Variants in ASIC2 observed in about 807,000 individuals in gnomAD.
ASIC2 encodes acid-sensing ion channel 2.
In ASIC2, 25 loss-of-function variants were observed where a neutral mutation model predicts 57.3. The ratio of observed to expected loss-of-function variants is 0.44; its 90% CI spans 0.32 to 0.61. ASIC2 has a LOEUF of 0.61. Ranked by LOEUF, ASIC2 falls within the 20% of genes least tolerant of loss-of-function variation. The pLI, the probability that ASIC2 is intolerant of heterozygous loss-of-function variation, is 0.06. For missense variants in ASIC2, 641 were observed against 738.1 expected (o/e 0.87, Z 1.52); for synonymous variants, 319 against 307.5 (o/e 1.04, Z -0.39).
chr17:33,017,779 C>T, intron 7 of ASIC2, 95 bp from the exon 8 acceptor site: 1 of 1,182,732 alleles, frequency 8.5e-7, no homozygotes, highest in Non-Finnish European at 1.2e-6. Context: ...CTGAATGGCG[C>T]CCCCTCCATG....
At chr17:33,095,724 G>C (rs2092176156) in intron 2 of ASIC2, among the ~76,000 whole-genome samples, 1 of 152,220 alleles carries the variant, frequency 6.6e-6, no homozygotes, top group Non-Finnish European at 1.5e-5. Flanking sequence ...ATGGGGGCTG[G>C]GCAGGGGCAG....
chr17:34,018,988 A>C (rs955235885), intron 1 of ASIC2, among the ~76,000 whole-genome samples: 5 of 152,006 alleles, frequency 3.3e-5, no homozygotes, highest in African/African-American at 1.2e-4. Context: ...GCTCACTGCA[A>C]GCTCCACCTC....
At chr17:33,481,014 T>A (rs1026197655) in intron 1 of ASIC2, among the ~76,000 whole-genome samples, 4 of 152,168 alleles carry the variant, frequency 2.6e-5, no homozygotes, top group Non-Finnish European at 5.9e-5. Flanking sequence ...ATTCCTCCCC[T>A]CTCTGTCTTG....
intron 1 of ASIC2, among the ~76,000 whole-genome samples, chr17:33,676,791 C>T (rs886986462): frequency 2.0e-5 from 3 of 152,216 alleles, no homozygotes; most frequent in Non-Finnish European, 4.4e-5. Context: ...GGTGATATAG[C>T]TTGAATACAT....
intron 1 of ASIC2, among the ~76,000 whole-genome samples, chr17:34,010,218 G>A (rs1161678432): frequency 1.3e-5 from 2 of 152,172 alleles, no homozygotes; most frequent in East Asian, 3.9e-4. Context: ...CCAGGGCTCA[G>A]GGAAAATGTT....
At chr17:33,733,719 T>C (rs1171790358) in intron 1 of ASIC2, among the ~76,000 whole-genome samples, 1 of 152,206 alleles carries the variant, frequency 6.6e-6, no homozygotes, top group African/African-American at 2.4e-5. Flanking sequence ...CCCAGCCTCA[T>C]GTCATCATGG....
chr17:33,810,874 TACACAC>T (rs34187408), intron 1 of ASIC2, among the ~76,000 whole-genome samples: 28 of 150,012 alleles, frequency 1.9e-4, no homozygotes, highest in African/African-American at 6.6e-4. Context: ...CACACACACA[TACACAC>T]ACACACACAC....
intron 1 of ASIC2, among the ~76,000 whole-genome samples, chr17:34,047,575 C>T (rs1021820419): frequency 6.6e-6 from 1 of 151,214 alleles, no homozygotes; most frequent in East Asian, 1.9e-4. Flanking sequence ...AAATTTCCCA[C>T]CCCTGATTAT....
At chr17:33,019,982 T>C (rs747678280) in intron 7 of ASIC2, among the ~76,000 whole-genome samples, 20 of 152,152 alleles carry the variant, frequency 1.3e-4, no homozygotes, top group Admixed American at 5.2e-4. Flanking sequence ...AAGGCCAGCA[T>C]AGGGGTGAGT....
At chr17:33,318,148 G>T (rs1246707561) in intron 1 of ASIC2, among the ~76,000 whole-genome samples, 1 of 152,162 alleles carries the variant, frequency 6.6e-6, no homozygotes, top group Admixed American at 6.5e-5. Context: ...TTGGAATTTA[G>T]CTTCCCCTTA....
At chr17:33,549,857 A>G (rs76754655) in intron 1 of ASIC2, among the ~76,000 whole-genome samples, 1 of 152,208 alleles carries the variant, frequency 6.6e-6, no homozygotes, top group East Asian at 1.9e-4. Context: ...CACCTCAGTG[A>G]CTTGGGTGAC....
At position 33,023,970 on chromosome 17, in the gene ASIC2, G is replaced by C; in HGVS notation, c.1240C>G (p.Pro414Ala). 6.2e-7 allele frequency: 1 copy of C among 1,614,218 alleles called. No individual in the cohort carries two copies. Among genetic ancestry groups the C allele is most frequent in the South Asian group, 1.1e-5 (1 of 91,090 alleles). Reference protein sequence around the residue: ...KDSNYCLCRTPCNLTRYNKEL... With the variant: ...KDSNYCLCRTACNLTRYNKEL... ...TTGTTGTAGCGGGTTAGGTTGCAGG[G>C]TGTCCTGCAGAGACAGTAATTGCTG... Residue 414 changes from proline to alanine, a missense_variant, in exon 6 of 10, where the codon CCC (proline) becomes GCC (alanine). By Grantham distance (27) the Pro-to-Ala change is conservative. This residue lies in a region of ASIC2 where 252 missense variants were observed against 319.8 expected (regional missense o/e 0.79). Coordinates refer to ENST00000225823, the MANE Select transcript of ASIC2 (RefSeq NM_183377.2).
rs138299425 is a variant in ASIC2, at chr17:33,147,678, T to A, written c.709-35611A>T. Among the ~76,000 whole-genome samples the A allele has an allele frequency of 4.5e-3, 689 of 152,288 alleles. 3 individuals are homozygous for A. The highest frequency in any genetic ancestry group is 0.026 in the South Asian group (126 of 4,820). On this transcript the variant is annotated intron_variant, in intron 1 of 9. Transcript: ENST00000225823. ...GAGGATCTGCTAATAATTTTTCTAA[T>A]GAGCAAAAATGACCCCACACTACAG...
chr17:34,125,658 A>G (rs578061499), intron 1 of ASIC2, among the ~76,000 whole-genome samples: 1 of 152,278 alleles, frequency 6.6e-6, no homozygotes, highest in East Asian at 1.9e-4. Flanking sequence ...AATGAGTAAG[A>G]CGATCTGTAG....
intron 2 of ASIC2, among the ~76,000 whole-genome samples, chr17:33,111,679 C>T (rs2092258653): frequency 6.6e-6 from 1 of 152,194 alleles, no homozygotes; most frequent in Non-Finnish European, 1.5e-5. Context: ...CTTCCCCCTA[C>T]CTACCTTACC....
chr17:33,699,791 T>C (rs1908641182), intron 1 of ASIC2, among the ~76,000 whole-genome samples: 1 of 152,226 alleles, frequency 6.6e-6, no homozygotes, highest in Non-Finnish European at 1.5e-5. Context: ...TTTCTTAGCA[T>C]ACATTTATTG....
At chr17:33,171,321 G>A (rs1046526991) in intron 1 of ASIC2, among the ~76,000 whole-genome samples, 2 of 152,112 alleles carry the variant, frequency 1.3e-5, no homozygotes, top group African/African-American at 4.8e-5. Context: ...AAATCCCATT[G>A]CTTACTTAAT....
intron 1 of ASIC2, among the ~76,000 whole-genome samples, chr17:33,953,964 A>C (rs531737459): frequency 6.6e-6 from 1 of 152,294 alleles, no homozygotes; most frequent in South Asian, 2.1e-4. Context: ...TTTGGGCCAC[A>C]GAGGGTGGGG....
At chr17:33,474,133 G>A (rs959968570) in intron 1 of ASIC2, among the ~76,000 whole-genome samples, 2 of 152,202 alleles carry the variant, frequency 1.3e-5, no homozygotes, top group African/African-American at 4.8e-5. Flanking sequence ...TTGGGAGGCT[G>A]AGGCAAGCGA....
Sources: allele counts gnomAD v4.1 joint callset (sites outside exome capture counted in the v4.1 genomes callset), GRCh38; gene constraint gnomAD v4.1.1; regional missense constraint gnomAD v4.1.1; transcripts MANE v1.5; gene names NCBI Gene and HGNC (gene_info 2026-07-23, HGNC 2026-07-21).